Variants in STEAP3 observed in about 807,000 individuals in gnomAD.
STEAP3 encodes metalloreductase STEAP3.
In STEAP3, 35 loss-of-function variants were observed where a neutral mutation model predicts 34.9. The ratio of observed to expected loss-of-function variants is 1.00; its 90% confidence interval spans 0.76 to 1.33. The LOEUF is 1.33. Among genes scored for constraint, STEAP3 ranks in the 40% most tolerant of loss-of-function variants. The probability of loss-of-function intolerance (pLI) is 0.00; values close to 1 mark genes in which losing one functional copy is unlikely to be tolerated. For synonymous variants in STEAP3, 281 were observed against 301.6 expected (o/e 0.93, Z 0.71); for missense variants, 652 against 667.6 (o/e 0.98, Z 0.26).
chr2:119,262,457 C>A (rs1325776204), intron 5 of STEAP3, among the ~76,000 whole-genome samples: 1 of 152,174 alleles, frequency 6.6e-6, no homozygotes, highest in Admixed American at 6.5e-5. Flanking sequence ...TCACTGCAAC[C>A]TTGACCTCTT....
In STEAP3 at chr2:119,263,185, G is replaced by T; in HGVS notation, c.1344G>T (p.Val448=). Residue 448 remains valine (V), a synonymous_variant, in exon 6 of 6, where the codon GTG becomes GTT. Coordinates refer to ENST00000393110, the MANE Select transcript of STEAP3 (RefSeq NM_182915.3). The part of the protein sequence containing the change: ...LPPTFTLTLL[V]PCVVILAKAL... ...CCACCTTCACGCTCACGCTGCTGGT[G>T]CCCTGCGTCGTCATCCTGGCCAAAG... The T allele has an allele frequency of 6.2e-7, 1 of 1,614,178 alleles. No homozygotes were observed. The highest frequency in any genetic ancestry group is 8.5e-7 in the Non-Finnish European group (1 of 1,180,038).
chr2:119,246,836 G>C (rs1004797868), intron 3 of STEAP3: 1 of 152,222 alleles, frequency 6.6e-6, no homozygotes, highest in African/African-American at 2.4e-5. Context: ...ACCTCATGCT[G>C]TCAGGCTCAG....
intron 2 of STEAP3, among the ~76,000 whole-genome samples, chr2:119,240,995 C>T (rs991965648): frequency 6.6e-6 from 1 of 151,970 alleles, no homozygotes; most frequent in South Asian, 2.1e-4. Context: ...AAGAATTGAA[C>T]GTGGCCACTG....
intron 2 of STEAP3, among the ~76,000 whole-genome samples, chr2:119,234,364 A>G (rs975474128): frequency 1.3e-5 from 2 of 152,228 alleles, no homozygotes; most frequent in African/African-American, 4.8e-5. Flanking sequence ...CTGAGGCTGC[A>G]GATTCAGCTG....
chr2:119,237,053 G>T (rs976149891), intron 2 of STEAP3, among the ~76,000 whole-genome samples: 2 of 152,230 alleles, frequency 1.3e-5, no homozygotes, highest in Non-Finnish European at 1.5e-5. Context: ...ACTTCAGAAG[G>T]TTGCAGAGCC....
At chr2:119,224,899 A>G (rs571819701) in intron 1 of STEAP3, among the ~76,000 whole-genome samples, 1 of 152,330 alleles carries the variant, frequency 6.6e-6, no homozygotes, top group East Asian at 1.9e-4. Context: ...AAATGGGGAA[A>G]CAGCCTCAGA....
intron 1 of STEAP3, among the ~76,000 whole-genome samples, chr2:119,228,801 G>C (rs1448442681): frequency 1.3e-5 from 2 of 152,142 alleles, no homozygotes; most frequent in Non-Finnish European, 2.9e-5. Flanking sequence ...GGGGTGCTGA[G>C]AGGAGGAGAA....
intron 4 of STEAP3, among the ~76,000 whole-genome samples, chr2:119,249,525 C>T (rs1172692064): frequency 6.6e-6 from 1 of 152,194 alleles, no homozygotes; most frequent in East Asian, 1.9e-4. Context: ...AGACACTTCT[C>T]ATCCACCCCT....
In STEAP3 at chr2:119,245,608, G is replaced by A. The variant is rs1399725155; in HGVS notation, c.142G>A (p.Asp48Asn). 6.2e-7 allele frequency: 1 copy of A among 1,609,338 alleles called. No homozygotes were observed. ...CAAAGTGGGCATCCTGGGTAGCGGGGACTTTGCCCGCTCCCTGGCCACACG... is the reference window on the plus strand; with the variant it reads ...CAAAGTGGGCATCCTGGGTAGCGGGAACTTTGCCCGCTCCCTGGCCACACG... Reference protein sequence around the residue: ...APKVGILGSGDFARSLATRLV... With the variant: ...APKVGILGSGNFARSLATRLV... Residue 48 changes from aspartate (D) to asparagine (N), a missense_variant, in exon 3 of 6, where the codon GAC (aspartate) becomes AAC (asparagine). Physicochemically the swap from Asp to Asn is conservative, Grantham distance 23 (BLOSUM62 1). Transcript: ENST00000393110.
In STEAP3 at chr2:119,265,091, C is replaced by T. The variant is rs1446262043; in HGVS notation, c.*1753C>T. 6.6e-6 allele frequency: 1 copy of T among 152,216 alleles called. No individual in the cohort carries two copies. The highest frequency in any genetic ancestry group is 1.9e-4 in the East Asian group (1 of 5,184). 9.4% of individuals were successfully genotyped at this position (152,216 alleles called of 1,614,324 possible). ...GGTAAAGCAGAGATTTTAGCATTGC[C>T]TTGGCATAACAAGGGCCCATCGATT... On this transcript the variant is annotated 3_prime_UTR_variant, in exon 6 of 6. Transcript: ENST00000393110.
At chr2:119,252,709 G>A (rs1677659059) in intron 4 of STEAP3, among the ~76,000 whole-genome samples, 1 of 152,164 alleles carries the variant, frequency 6.6e-6, no homozygotes, top group African/African-American at 2.4e-5. Flanking sequence ...GCACAACACT[G>A]TGGTTTAATA....
chr2:119,242,902 G>A (rs1056133192), intron 2 of STEAP3, among the ~76,000 whole-genome samples: 4 of 152,150 alleles, frequency 2.6e-5, no homozygotes, highest in Non-Finnish European at 4.4e-5. Context: ...GTGCAGACCC[G>A]CCTGCCGTGG....
rs1678044246 is a variant in STEAP3, at chr2:119,264,415, T to G, written c.*1077T>G. 6.6e-6 allele frequency: 1 copy of G among 152,182 alleles called. No homozygotes were observed. Among genetic ancestry groups the G allele is most frequent in the African/African-American group, 2.4e-5 (1 of 41,428 alleles). The allele number at this position is 152,182 out of a possible 1,614,324, so 9.4% of individuals were successfully genotyped here. On this transcript the variant is annotated 3_prime_UTR_variant, in exon 6 of 6. Transcript: ENST00000393110. ...AGAGGACCCAGAAAACCACACTGGCTCCAACTTCCTCCTCATGGGGCATTA... is the reference window on the plus strand; with the variant it reads ...AGAGGACCCAGAAAACCACACTGGCGCCAACTTCCTCCTCATGGGGCATTA...
intron 2 of STEAP3, chr2:119,239,466 C>T (rs1677183345): frequency 6.6e-6 from 1 of 152,206 alleles, no homozygotes; most frequent in African/African-American, 2.4e-5. Context: ...TGGGGTATCA[C>T]CATGTTGGCC....
At chr2:119,260,165 C>A (rs1345583882) in intron 5 of STEAP3, among the ~76,000 whole-genome samples, 1 of 152,090 alleles carries the variant, frequency 6.6e-6, no homozygotes, top group Non-Finnish European at 1.5e-5. Context: ...GACTGTTAAA[C>A]TCTTGGGGAT....
At chr2:119,261,443 A>G (rs977920241) in intron 5 of STEAP3, among the ~76,000 whole-genome samples, 10 of 152,054 alleles carry the variant, frequency 6.6e-5, no homozygotes, top group African/African-American at 2.4e-4. Flanking sequence ...CCTGTGTAAT[A>G]GACGTGGGAG....
intron 5 of STEAP3, among the ~76,000 whole-genome samples, chr2:119,256,680 G>A (rs910977768): frequency 2.6e-5 from 4 of 152,190 alleles, no homozygotes; most frequent in African/African-American, 9.7e-5. Flanking sequence ...GGGTAGAAAG[G>A]CAGGATTTTA....
Position 119,247,822 on chromosome 2 carries a change from GA to G in STEAP3, c.668del (p.Lys223ArgfsTer164). The stretch of plus-strand genomic sequence containing the variant: ...TGCCCCTGCGCCTCCTCCCGGCCTG[GA>G]AGGTGCCCACCCTGCTGGCCCTGGG... ...AMPLRLLPAW[K>X]VPTLLALGLF... On this transcript the variant is annotated frameshift_variant, in exon 4 of 6. Coordinates refer to ENST00000393110, the MANE Select transcript of STEAP3 (RefSeq NM_182915.3). LOFTEE classifies it high-confidence loss of function. 1 of 1,612,886 alleles carries G rather than the reference GA, an allele frequency of 6.2e-7. No homozygotes were observed.
At chr2:119,225,925 T>A (rs183294961) in intron 1 of STEAP3, among the ~76,000 whole-genome samples, 31 of 152,350 alleles carry the variant, frequency 2.0e-4, no homozygotes, top group Admixed American at 2.6e-4. Context: ...AGGAGTGCAG[T>A]AAATATCGGA....
Sources: gnomAD v4.1 joint callset for allele counts (sites outside exome capture counted in the v4.1 genomes callset) on GRCh38, gnomAD v4.1.1 for gene constraint, MANE v1.5 for transcripts, NCBI Gene and HGNC (gene_info 2026-07-23, HGNC 2026-07-21) for gene names.